Variants in MBD5 observed in about 807,000 individuals in gnomAD.
MBD5 encodes methyl-CpG binding domain protein 5.
MBD5 carries 13 observed loss-of-function variants against 117.3 expected under a neutral mutation model. That is an observed-to-expected ratio of 0.11 (90% CI 0.07 to 0.18). The LOEUF is 0.18. MBD5 is among the 10% of genes least tolerant of loss of function. The pLI, the probability that MBD5 is intolerant of heterozygous loss-of-function variation, is 1.00. For missense variants in MBD5, 1,879 were observed against 2,093.8 expected, an observed-to-expected ratio of 0.90 and a Z score of 2.00; for synonymous variants, 727 against 766.4, an observed-to-expected ratio of 0.95 and a Z score of 0.85.
chr2:148,251,271 G>C (rs1336061123), intron 3 of MBD5, among the ~76,000 whole-genome samples: 1 of 152,094 alleles, frequency 6.6e-6, no homozygotes, highest in Non-Finnish European at 1.5e-5. Flanking sequence ...GAGAAATACT[G>C]TACTTCAGAA....
intron 1 of MBD5, chr2:148,071,859 A>T (rs1481877581): frequency 1.3e-5 from 2 of 152,226 alleles, no homozygotes; most frequent in Non-Finnish European, 2.9e-5. Context: ...ACATGAGAAC[A>T]TAAGAATAAG....
intron 2 of MBD5, among the ~76,000 whole-genome samples, chr2:148,187,314 CAA>C (rs1286379363): frequency 6.8e-6 from 1 of 146,194 alleles, no homozygotes; most frequent in African/African-American, 2.5e-5. Flanking sequence ...ATACCCCCCC[CAA>C]AAAAAAAACC....
chr2:148,428,156 A>G (rs1232411646), intron 4 of MBD5, among the ~76,000 whole-genome samples: 2 of 152,234 alleles, frequency 1.3e-5, no homozygotes, highest in African/African-American at 2.4e-5. Context: ...GTCTCCGGAT[A>G]CAAAATCAAT....
rs117975101 is a variant in MBD5 at position 148,030,751 on chromosome 2, C to G, written c.-925+9067C>G. Among the ~76,000 whole-genome samples, 3 of 152,004 alleles carry G rather than the reference C, an allele frequency of 2.0e-5. No homozygotes were observed. The East Asian group carries it at 5.8e-4, about 29-fold the overall frequency. ...GATTTTTGATGAGAAAATATACTTACGTATTGAAGTAAAAAATGACCCAGG... is the reference window on the plus strand; with the variant it reads ...GATTTTTGATGAGAAAATATACTTAGGTATTGAAGTAAAAAATGACCCAGG... On this transcript the variant is annotated intron_variant, in intron 1 of 13. Coordinates refer to ENST00000642680, the MANE Select transcript of MBD5 (RefSeq NM_001378120.1).
At chr2:148,414,870 G>A (rs1044610658) in intron 4 of MBD5, among the ~76,000 whole-genome samples, 4 of 151,736 alleles carry the variant, frequency 2.6e-5, no homozygotes, top group South Asian at 2.1e-4. Context: ...TTGTGAGATG[G>A]GTCTCTTGAA....
intron 4 of MBD5, among the ~76,000 whole-genome samples, chr2:148,392,592 A>G (rs878882017): frequency 1.3e-5 from 2 of 152,142 alleles, no homozygotes; most frequent in African/African-American, 4.8e-5. Flanking sequence ...TAATTTTCCA[A>G]ATTACTTCTT....
intron 1 of MBD5, among the ~76,000 whole-genome samples, chr2:148,048,261 G>A (rs764077350): frequency 1.3e-5 from 2 of 152,116 alleles, no homozygotes; most frequent in African/African-American, 2.4e-5. Context: ...AGTAGGACTC[G>A]AGAAATGTTA....
In MBD5 at chr2:148,228,118, A is replaced by T. The variant is rs551661659; in HGVS notation, c.-830-5127A>T. Among the ~76,000 whole-genome samples, 355 of 152,262 alleles carry T rather than the reference A, an allele frequency of 2.3e-3. 2 individuals carry two copies. The highest frequency in any genetic ancestry group is 6.8e-3 in the Middle Eastern group (2 of 294). ...GCCCTTTATTTCCTTCTCCTGCCTG[A>T]TTGCCCTGACCAGAACTTCCAACAC... On this transcript the variant is annotated intron_variant, in intron 2 of 13. Transcript: ENST00000642680.
chr2:148,143,345 G>A (rs373118894), intron 1 of MBD5, among the ~76,000 whole-genome samples: 2 of 152,262 alleles, frequency 1.3e-5, no homozygotes, highest in African/African-American at 2.4e-5. Context: ...GAAAAGTTGA[G>A]GATGTTTGCC....
At chr2:148,456,527 G>A (rs1454436983) in intron 4 of MBD5, among the ~76,000 whole-genome samples, 2 of 152,090 alleles carry the variant, frequency 1.3e-5, no homozygotes, top group African/African-American at 4.8e-5. Flanking sequence ...TATAGTAGCT[G>A]CTCACTAACT....
At chr2:148,452,610 A>C (rs952546022) in intron 4 of MBD5, among the ~76,000 whole-genome samples, 1 of 152,040 alleles carries the variant, frequency 6.6e-6, no homozygotes, top group African/African-American at 2.4e-5. Context: ...AAAAAGGTCT[A>C]TTTCATTAAT....
chr2:148,129,036 GC>G lies in MBD5; in HGVS notation c.-924-49662del, dbSNP rs137956179. Among the ~76,000 whole-genome samples, 700 of 152,186 alleles carry G rather than the reference GC, an allele frequency of 4.6e-3. 4 individuals are homozygous for G. The highest frequency in any genetic ancestry group is 0.016 in the African/African-American group (655 of 41,520). On this transcript the variant is annotated intron_variant, in intron 1 of 13. Coordinates refer to ENST00000642680, the MANE Select transcript of MBD5 (RefSeq NM_001378120.1). ...TATTTTAGGCTAGCGATTTCAAATT[GC>G]CTTTCGTCTTTTTTATAAGGACCTT...
intron 1 of MBD5, among the ~76,000 whole-genome samples, chr2:148,159,268 C>T (rs1271061019): frequency 6.6e-6 from 1 of 152,128 alleles, no homozygotes; most frequent in Non-Finnish European, 1.5e-5. Context: ...AAACAGTCCT[C>T]ATTTTGCAGA....
intron 1 of MBD5, chr2:148,054,851 A>G (rs561305324): frequency 8.8e-4 from 134 of 152,306 alleles, no homozygotes; most frequent in African/African-American, 3.1e-3. Flanking sequence ...ACGTTTTCCA[A>G]AATTATTGTG....
chr2:148,084,806 T>G (rs1404515996), intron 1 of MBD5, among the ~76,000 whole-genome samples: 1 of 152,236 alleles, frequency 6.6e-6, no homozygotes, highest in African/African-American at 2.4e-5. Context: ...CTGGTTTTTA[T>G]CCTGAGGCAT....
At chr2:148,461,211 G>C (rs1466333911) in intron 5 of MBD5, among the ~76,000 whole-genome samples, 1 of 152,150 alleles carries the variant, frequency 6.6e-6, no homozygotes, top group Non-Finnish European at 1.5e-5. Flanking sequence ...GGGTTTACAG[G>C]CGTGAGCCAC....
intron 4 of MBD5, among the ~76,000 whole-genome samples, chr2:148,367,635 AAAAC>A (rs1265254719): frequency 4.6e-5 from 7 of 152,222 alleles, no homozygotes; most frequent in East Asian, 1.9e-4. Flanking sequence ...TTACAAGAAA[AAAAC>A]AAACAACCCC....
intron 3 of MBD5, among the ~76,000 whole-genome samples, chr2:148,340,003 T>C (rs1702896528): frequency 6.6e-6 from 1 of 152,122 alleles, no homozygotes; most frequent in Admixed American, 6.6e-5. Flanking sequence ...GTTCTTCTAC[T>C]CACCAACATC....
At chr2:148,201,767 T>G (rs1414837253) in intron 2 of MBD5, among the ~76,000 whole-genome samples, 1 of 152,118 alleles carries the variant, frequency 6.6e-6, no homozygotes, top group Non-Finnish European at 1.5e-5. Context: ...GTTGGGTGGT[T>G]TCTCTCTCAG....
Sources: allele counts gnomAD v4.1 joint callset (sites outside exome capture counted in the v4.1 genomes callset), GRCh38; gene constraint gnomAD v4.1.1; transcripts MANE v1.5; gene names NCBI Gene and HGNC (gene_info 2026-07-23, HGNC 2026-07-21).